Variants in WDR70 observed in about 807,000 individuals in gnomAD.
The protein encoded by WDR70 is WD repeat domain 70.
Under a neutral mutation model 88.6 loss-of-function variants are expected in WDR70, and 53 were observed. The observed-to-expected ratio is 0.60, with a 90% CI of 0.48 to 0.75. The LOEUF is 0.75. WDR70 is among the 30% of genes least tolerant of loss of function. The pLI is 0.00. For synonymous variants in WDR70, 280 were observed against 270.0 expected (o/e 1.04, Z -0.36); for missense variants, 610 against 823.2 (o/e 0.74, Z 3.17).
chr5:37,658,325 T>C (rs1745611683), intron 10 of WDR70, among the ~76,000 whole-genome samples: 1 of 151,966 alleles, frequency 6.6e-6, no homozygotes. Flanking sequence ...TCACAAAAGA[T>C]ACCTTTTTAG....
chr5:37,727,068 C>T (rs755779506), intron 17 of WDR70, 23 bp downstream of exon 17: 11 of 1,592,792 alleles, frequency 6.9e-6, no homozygotes, highest in Non-Finnish European at 9.4e-6. Flanking sequence ...CTTTTTAAAA[C>T]AGGAAAATTG....
intron 10 of WDR70, among the ~76,000 whole-genome samples, chr5:37,688,964 A>G (rs1458886004): frequency 6.6e-6 from 1 of 152,200 alleles, no homozygotes; most frequent in African/African-American, 2.4e-5. Context: ...TACCTGGAAA[A>G]ATGAGACACT....
chr5:37,608,749 A>T (rs1744105049), intron 10 of WDR70, among the ~76,000 whole-genome samples: 1 of 151,896 alleles, frequency 6.6e-6, no homozygotes, highest in Non-Finnish European at 1.5e-5. Flanking sequence ...ATAGAGATGG[A>T]GGGCTCACTA....
At chr5:37,693,416 A>C (rs563656708) in intron 10 of WDR70, among the ~76,000 whole-genome samples, 128 of 152,316 alleles carry the variant, frequency 8.4e-4, no homozygotes, top group South Asian at 2.5e-3. Context: ...AATCCTAAGC[A>C]AAAAGAACAA....
chr5:37,393,376 T>C (rs1184409821), intron 4 of WDR70, among the ~76,000 whole-genome samples: 1 of 152,158 alleles, frequency 6.6e-6, no homozygotes, highest in Non-Finnish European at 1.5e-5. Flanking sequence ...TCATTTGTAG[T>C]TCTGCTCTGA....
chr5:37,623,674 CA>C (rs1482860930), intron 10 of WDR70, among the ~76,000 whole-genome samples: 1 of 151,986 alleles, frequency 6.6e-6, no homozygotes, highest in Non-Finnish European at 1.5e-5. Flanking sequence ...TTAAGTTCTC[CA>C]GGGGTGGTTC....
chr5:37,483,711 CGGTGGCCTGG>C (rs1739751556), intron 8 of WDR70, among the ~76,000 whole-genome samples: 1 of 138,914 alleles, frequency 7.2e-6, no homozygotes, highest in Non-Finnish European at 1.6e-5. Context: ...CCAGACGGGG[CGGTGGCCTGG>C]AGGAGGTGCC....
intron 10 of WDR70, among the ~76,000 whole-genome samples, chr5:37,632,388 G>A (rs10041383): frequency 0.019 from 2,926 of 152,156 alleles, 85 homozygotes; most frequent in African/African-American, 0.066. Flanking sequence ...GGTTCTTCAG[G>A]AAATATTCCA....
chr5:37,626,144 A>T (rs1006246591), intron 10 of WDR70, among the ~76,000 whole-genome samples: 2 of 151,894 alleles, frequency 1.3e-5, no homozygotes, highest in African/African-American at 4.8e-5. Flanking sequence ...TCTGGTTAGG[A>T]CTTCCATTAG....
At chr5:37,545,535 G>GT (rs1410998320) in intron 9 of WDR70, among the ~76,000 whole-genome samples, 1 of 148,324 alleles carries the variant, frequency 6.7e-6, no homozygotes, top group African/African-American at 2.5e-5. Context: ...TTTTGTTTTT[G>GT]TTTTTGTTTT....
At chr5:37,531,243 CT>C (rs1373922323) in intron 9 of WDR70, among the ~76,000 whole-genome samples, 3 of 152,076 alleles carry the variant, frequency 2.0e-5, no homozygotes, top group Non-Finnish European at 4.4e-5. Context: ...GTTCCATGTA[CT>C]GATGAATAGA....
chr5:37,740,890 A>G (rs1044570018), intron 17 of WDR70, among the ~76,000 whole-genome samples: 1 of 152,206 alleles, frequency 6.6e-6, no homozygotes, highest in Non-Finnish European at 1.5e-5. Flanking sequence ...GGAGCTCTCA[A>G]GAGGTACTGC....
At chr5:37,382,151 T>G (rs1186449630) in intron 3 of WDR70, among the ~76,000 whole-genome samples, 3 of 149,516 alleles carry the variant, frequency 2.0e-5, no homozygotes, top group African/African-American at 7.5e-5. Context: ...CAGGCTGGAG[T>G]GCAATGGCAT....
chr5:37,523,959 G>T (rs150163668), intron 9 of WDR70, among the ~76,000 whole-genome samples: 1 of 152,122 alleles, frequency 6.6e-6, no homozygotes, highest in African/African-American at 2.4e-5. Context: ...GAACAAAGCC[G>T]CTAAGAAATA....
At chr5:37,723,690 C>T (rs1747890742) in intron 15 of WDR70, 1 of 152,178 alleles carries the variant, frequency 6.6e-6, no homozygotes, top group Non-Finnish European at 1.5e-5. Context: ...CATATGAGAC[C>T]AAGTCCCTTG....
intron 9 of WDR70, among the ~76,000 whole-genome samples, chr5:37,539,381 T>C (rs1741750678): frequency 6.6e-6 from 1 of 152,132 alleles, no homozygotes; most frequent in South Asian, 2.1e-4. Context: ...GGTATCCTTA[T>C]AAGAAGACAA....
At chr5:37,626,906 A>G (rs950319731) in intron 10 of WDR70, among the ~76,000 whole-genome samples, 3 of 151,928 alleles carry the variant, frequency 2.0e-5, no homozygotes, top group Admixed American at 1.3e-4. Flanking sequence ...TTATTGGCAT[A>G]TTGTTGTTCA....
intron 7 of WDR70, among the ~76,000 whole-genome samples, chr5:37,457,203 C>T (rs1397791540): frequency 6.6e-6 from 1 of 152,154 alleles, no homozygotes; most frequent in Non-Finnish European, 1.5e-5. Context: ...TCAAGCAATT[C>T]TCATGCCTCA....
rs139386415 is a variant in WDR70 at position 37,580,581 on chromosome 5, C to T, written c.918-24483C>T. On this transcript the variant is annotated intron_variant, in intron 9 of 17. Coordinates refer to ENST00000265107, the MANE Select transcript of WDR70 (RefSeq NM_018034.4). The stretch of plus-strand genomic sequence containing the variant: ...GGAATAGCATGTTGCTATATTCTCT[C>T]TTTACTTCATCACTCTTCATGTTAA... 2.9e-3 allele frequency among the ~76,000 whole-genome samples: 443 copies of T among 152,332 alleles called. 3 individuals are homozygous for T. Among genetic ancestry groups the T allele is most frequent in the Admixed American group, 5.1e-3 (78 of 15,298 alleles).
Sources: allele counts gnomAD v4.1 joint callset (sites outside exome capture counted in the v4.1 genomes callset), GRCh38; gene constraint gnomAD v4.1.1; transcripts MANE v1.5; gene names NCBI Gene and HGNC (gene_info 2026-07-23, HGNC 2026-07-21).